CCDC38: variants seen among roughly 807,000 people sequenced by gnomAD.
CCDC38 encodes the protein coiled-coil domain containing 38, also known as coiled-coil domain-containing protein 38.
CCDC38 carries 69 observed loss-of-function variants against 72.8 expected under a neutral mutation model. The observed-to-expected ratio is 0.95, with a 90% CI of 0.78 to 1.16. CCDC38 has a LOEUF of 1.16. Among genes scored for constraint, CCDC38 ranks in the 50% most tolerant of loss-of-function variants. The pLI is 0.00. For synonymous variants in CCDC38, 201 were observed against 213.2 expected (o/e 0.94, Z 0.50); for missense variants, 626 against 638.9 (o/e 0.98, Z 0.22).
chr12:95,872,959 A>G lies in CCDC38; in HGVS notation c.1279-499T>C, dbSNP rs147039138. On this transcript the variant is annotated intron_variant, in intron 13 of 15. Coordinates refer to ENST00000344280, the MANE Select transcript of CCDC38 (RefSeq NM_182496.3). Reference sequence around the variant, plus strand: ...ATTTATAGTCAGAGCATTACTATAGAACACCTTGGATTATTTTCTTAAAAT... The same window carrying G: ...ATTTATAGTCAGAGCATTACTATAGGACACCTTGGATTATTTTCTTAAAAT... Among the ~76,000 whole-genome samples the G allele has an allele frequency of 3.9e-3, 597 of 152,370 alleles. 2 individuals are homozygous for G. Among genetic ancestry groups the G allele is most frequent in the African/African-American group, 0.014 (578 of 41,588 alleles).
chr12:95,937,684 G>A (rs543026444), intron 1 of CCDC38, among the ~76,000 whole-genome samples: 16 of 152,216 alleles, frequency 1.1e-4, no homozygotes, highest in South Asian at 2.1e-4. Flanking sequence ...TAAATATCCC[G>A]GAAGCAGAGC....
chr12:95,869,842 GAGAC>G (rs1565939671), intron 14 of CCDC38: 8 of 316,860 alleles, frequency 2.5e-5, no homozygotes, highest in African/African-American at 1.7e-4. Context: ...TTTTTCCTCA[GAGAC>G]AGAGTCTCAG....
At chr12:95,874,842 G>T (rs2079619107) in intron 13 of CCDC38, among the ~76,000 whole-genome samples, 2 of 152,228 alleles carry the variant, frequency 1.3e-5, no homozygotes, top group African/African-American at 4.8e-5. Context: ...GGTTGCCGGG[G>T]TGGATATCTA....
chr12:95,933,679 G>T (rs1254418263), intron 2 of CCDC38: 1 of 152,112 alleles, frequency 6.6e-6, no homozygotes, highest in Non-Finnish European at 1.5e-5. Flanking sequence ...CTATTCCTAG[G>T]TATACATGCA....
intron 8 of CCDC38, among the ~76,000 whole-genome samples, chr12:95,893,010 C>T (rs555947254): frequency 4.7e-4 from 72 of 152,268 alleles, no homozygotes; most frequent in African/African-American, 1.7e-3. Flanking sequence ...CTCCCATTAC[C>T]TTCCGAATTC....
At chr12:95,921,706 A>G (rs1305277730) in intron 2 of CCDC38, among the ~76,000 whole-genome samples, 1 of 151,010 alleles carries the variant, frequency 6.6e-6, no homozygotes, top group African/African-American at 2.4e-5. Context: ...CAAACCATAT[A>G]ACCAAGAATA....
intron 2 of CCDC38, among the ~76,000 whole-genome samples, chr12:95,921,128 C>CAA (rs71307534): frequency 2.9e-4 from 38 of 129,462 alleles, no homozygotes; most frequent in Non-Finnish European, 4.9e-4. Flanking sequence ...AACTCCATCT[C>CAA]AAAAAAAAAA....
At chr12:95,918,484 G>T (rs1365035880) in intron 3 of CCDC38, among the ~76,000 whole-genome samples, 2 of 151,684 alleles carry the variant, frequency 1.3e-5, no homozygotes, top group Admixed American at 6.5e-5. Flanking sequence ...TCCACTCTGA[G>T]ATGCCACTTA....
Position 95,896,988 on chromosome 12 carries a change from G to A in CCDC38, c.614+1397C>T, listed in dbSNP as rs182484895. ...ATGGATAGAAACTTCTAATTGCATC[G>A]GGGGTGAAAGAGAGAAGGAAATTCT... On this transcript the variant is annotated intron_variant, in intron 7 of 15. Coordinates refer to ENST00000344280, the MANE Select transcript of CCDC38 (RefSeq NM_182496.3). Among the ~76,000 whole-genome samples, 26 of 152,298 alleles carry A rather than the reference G, an allele frequency of 1.7e-4. No individual in the cohort carries two copies. In the East Asian group the frequency reaches 3.3e-3, roughly 19 times the overall value.
At chr12:95,880,653 C>CAA (rs34210026) in intron 11 of CCDC38, among the ~76,000 whole-genome samples, 30 of 125,706 alleles carry the variant, frequency 2.4e-4, no homozygotes, top group East Asian at 1.2e-3. Context: ...AACTCCATTT[C>CAA]AAAAAAAAAA....
rs1032716102 is a variant in CCDC38 at position 95,895,102 on chromosome 12, T to C, written c.659A>G (p.Tyr220Cys). ...AGACATTTGCAGCAGAAAAAAACCA[T>C]ATTTCATATACTCCCTGAGGAGGAA... ...TEFLLREYMK[Y>C]GFFLLQMSPK... The change falls in exon 8 of 16, where the codon TAT (tyrosine) becomes TGT (cysteine). Residue 220 changes from tyrosine to cysteine, a missense_variant. By Grantham distance (194) the Tyr-to-Cys change is radical (BLOSUM62 -2). Coordinates refer to ENST00000344280, the MANE Select transcript of CCDC38 (RefSeq NM_182496.3). 16 of 1,612,478 alleles carry C rather than the reference T, an allele frequency of 9.9e-6. No individual in the cohort carries two copies. The highest frequency in any genetic ancestry group is 2.2e-5 in the East Asian group (1 of 44,774).
At chr12:95,928,843 GGCTGC>G (rs1248334645) in intron 2 of CCDC38, among the ~76,000 whole-genome samples, 10 of 152,196 alleles carry the variant, frequency 6.6e-5, no homozygotes. Flanking sequence ...CTCCCAGTTA[GGCTGC>G]TCGGGGGTCA....
chr12:95,907,434 C>T (rs1168135392), intron 4 of CCDC38, among the ~76,000 whole-genome samples: 1 of 117,766 alleles, frequency 8.5e-6, no homozygotes, highest in African/African-American at 4.1e-5. Context: ...CCGGACGGGG[C>T]GGCTGGCCGG....
rs1418510512 is a variant in CCDC38 at position 95,879,119 on chromosome 12, A to C, written c.1142+525T>G. Among the ~76,000 whole-genome samples, 1 of 152,184 alleles carries C rather than the reference A, an allele frequency of 6.6e-6. No homozygotes were observed. The highest frequency in any genetic ancestry group is 1.9e-4 in the East Asian group (1 of 5,202). On this transcript the variant is annotated intron_variant, in intron 12 of 15. Coordinates refer to ENST00000344280, the MANE Select transcript of CCDC38 (RefSeq NM_182496.3). This position sits in a 1 kb window ranked among gnomAD's most constrained non-coding sequence, Gnocchi z 5.5. ...ACTATATATTTTTAGATGAGGAAGG[A>C]ATTTTGTGAGGGATCAAATCCAGCT... is the stretch of plus-strand genomic sequence containing the variant.
chr12:95,907,458 C>T (rs1407536586), intron 4 of CCDC38, among the ~76,000 whole-genome samples: 3 of 112,404 alleles, frequency 2.7e-5, no homozygotes, highest in Admixed American at 2.3e-4. Context: ...GGGGGCTGAC[C>T]CCCCCACCTC....
chr12:95,896,246 A>G (rs2079888014), intron 7 of CCDC38, among the ~76,000 whole-genome samples: 1 of 152,154 alleles, frequency 6.6e-6, no homozygotes, highest in South Asian at 2.1e-4. Flanking sequence ...TGGTAGAGCC[A>G]GCACTCAAAC....
Position 95,902,773 on chromosome 12 carries a change from T to G in CCDC38, c.369+3614A>C, listed in dbSNP as rs181755522. On this transcript the variant is annotated intron_variant, in intron 5 of 15. Transcript: ENST00000344280. ...TTATTTCTGACCCAGGAGTCTGGTGTCTTCTATTGAAACTATGAAACTGCA... is the reference window on the plus strand; with the variant it reads ...TTATTTCTGACCCAGGAGTCTGGTGGCTTCTATTGAAACTATGAAACTGCA... Among the ~76,000 whole-genome samples the G allele has an allele frequency of 6.6e-5, 10 of 152,290 alleles. No homozygotes were observed. In the East Asian group the frequency reaches 1.9e-3, roughly 29 times the overall value.
intron 2 of CCDC38, among the ~76,000 whole-genome samples, chr12:95,925,813 CT>C (rs2080264152): frequency 6.6e-6 from 1 of 150,806 alleles, no homozygotes. Context: ...TGGTTTTTGT[CT>C]TTGGTTCTGT....
chr12:95,882,354 G>A (rs1565944852), intron 10 of CCDC38, among the ~76,000 whole-genome samples: 1 of 152,180 alleles, frequency 6.6e-6, no homozygotes, highest in Non-Finnish European at 1.5e-5. Context: ...GGCCATGAGA[G>A]AAGAGACAAA....
Sources: allele counts gnomAD v4.1 joint callset (sites outside exome capture counted in the v4.1 genomes callset), GRCh38; gene constraint gnomAD v4.1.1; non-coding constraint Gnocchi (gnomAD v3.1); transcripts MANE v1.5; gene names NCBI Gene and HGNC (gene_info 2026-07-23, HGNC 2026-07-21).